Variants in USP12 observed in about 807,000 individuals in gnomAD.
USP12 encodes the protein ubiquitin carboxyl-terminal hydrolase 12.
USP12 carries 19 observed loss-of-function variants against 45.5 expected under a neutral mutation model. That is an observed-to-expected ratio of 0.42 (90% CI 0.29 to 0.61). The LOEUF (loss-of-function observed/expected upper bound fraction) is 0.61, where lower values mean the gene tolerates loss of function less well. Ranked by LOEUF, USP12 falls within the 20% of genes least tolerant of loss-of-function variation. USP12 has a pLI of 0.22. For synonymous variants in USP12, 149 were observed against 148.8 expected (o/e 1.00, Z -0.01); for missense variants, 242 against 447.7 (o/e 0.54, Z 4.15).
intron 1 of USP12, among the ~76,000 whole-genome samples, chr13:27,158,944 G>C (rs771378033): frequency 9.2e-5 from 14 of 152,100 alleles, no homozygotes; most frequent in Non-Finnish European, 1.9e-4. Flanking sequence ...TGGGGGGAGT[G>C]GGGGTGACAC....
chr13:27,149,574 C>T (rs1383366180), intron 1 of USP12, among the ~76,000 whole-genome samples: 4 of 152,078 alleles, frequency 2.6e-5, no homozygotes, highest in Admixed American at 2.6e-4. Flanking sequence ...GTATTGATCT[C>T]ATAAAACTAT....
chr13:27,112,010 T>C (rs1435989486), intron 2 of USP12, among the ~76,000 whole-genome samples: 1 of 152,178 alleles, frequency 6.6e-6, no homozygotes, highest in Non-Finnish European at 1.5e-5. Flanking sequence ...TTTGTAGTCT[T>C]ATCTACCAAA....
At chr13:27,150,177 C>A (rs1877505275) in intron 1 of USP12, among the ~76,000 whole-genome samples, 1 of 152,116 alleles carries the variant, frequency 6.6e-6, no homozygotes, top group African/African-American at 2.4e-5. Context: ...ACATTGTATA[C>A]CTGTATCAAA....
intron 1 of USP12, among the ~76,000 whole-genome samples, chr13:27,159,692 A>G (rs1275076898): frequency 6.6e-6 from 1 of 152,226 alleles, no homozygotes; most frequent in Non-Finnish European, 1.5e-5. Flanking sequence ...AATCTGTGAA[A>G]TGCCTAGCAA....
chr13:27,092,925 G>A (rs1268328874), intron 4 of USP12, among the ~76,000 whole-genome samples: 3 of 152,104 alleles, frequency 2.0e-5, no homozygotes, highest in Admixed American at 2.0e-4. Context: ...AGCCAGGCCC[G>A]GTGGCTCACG....
At chr13:27,076,420 G>A (rs1873489898) in intron 6 of USP12, among the ~76,000 whole-genome samples, 1 of 152,088 alleles carries the variant, frequency 6.6e-6, no homozygotes, top group Non-Finnish European at 1.5e-5. Context: ...TTCTTTTAAT[G>A]GCTCAGCTCA....
rs1255989948 is a variant in USP12 at position 27,156,247 on chromosome 13, G to T, written c.48+15345C>A. 3.3e-5 allele frequency among the ~76,000 whole-genome samples: 5 copies of T among 151,766 alleles called. 1 individual carries two copies. Among genetic ancestry groups the T allele is most frequent in the Admixed American group, 2.0e-4 (3 of 15,232 alleles). Reference sequence around the variant, plus strand: ...AAAAAAAAAAAAAATCAAGGAATCTGGTTCAGGCCTCTTAATCTACCAGAT... The same window carrying T: ...AAAAAAAAAAAAAATCAAGGAATCTTGTTCAGGCCTCTTAATCTACCAGAT... On this transcript the variant is annotated intron_variant, in intron 1 of 8. Coordinates refer to ENST00000282344, the MANE Select transcript of USP12 (RefSeq NM_182488.4).
chr13:27,115,570 T>C (rs1159898348), intron 2 of USP12, among the ~76,000 whole-genome samples: 1 of 152,202 alleles, frequency 6.6e-6, no homozygotes, highest in Non-Finnish European at 1.5e-5. Flanking sequence ...TGGATTCACC[T>C]AATAGTACAG....
At chr13:27,119,880 C>T (rs545768812) in intron 1 of USP12, among the ~76,000 whole-genome samples, 1 of 152,328 alleles carries the variant, frequency 6.6e-6, no homozygotes, top group East Asian at 1.9e-4. Flanking sequence ...GGTAATGACA[C>T]TGCGCAGCAG....
At chr13:27,148,771 A>G (rs921261747) in intron 1 of USP12, among the ~76,000 whole-genome samples, 1 of 89,888 alleles carries the variant, frequency 1.1e-5, no homozygotes, top group African/African-American at 4.6e-5. Context: ...GAATTAAAAA[A>G]CCAGAATCAC....
chr13:27,106,230 C>G (rs1337603829), intron 2 of USP12, among the ~76,000 whole-genome samples: 1 of 151,882 alleles, frequency 6.6e-6, no homozygotes, highest in African/African-American at 2.4e-5. Flanking sequence ...AAAAAGTCAC[C>G]AGTATGACAG....
At chr13:27,140,732 A>T (rs571905651) in intron 1 of USP12, among the ~76,000 whole-genome samples, 1 of 152,348 alleles carries the variant, frequency 6.6e-6, no homozygotes, top group Non-Finnish European at 1.5e-5. Context: ...TTTTAGATAT[A>T]ATAAATTCAA....
chr13:27,150,252 G>T (rs1368142314), intron 1 of USP12, among the ~76,000 whole-genome samples: 2 of 151,960 alleles, frequency 1.3e-5, no homozygotes, highest in Admixed American at 6.6e-5. Flanking sequence ...GCAAAAAATT[G>T]TATTTATATA....
chr13:27,092,359 C>T (rs949516497), intron 4 of USP12, among the ~76,000 whole-genome samples: 3 of 152,098 alleles, frequency 2.0e-5, no homozygotes, highest in African/African-American at 7.2e-5. Flanking sequence ...TGGATATCGA[C>T]GAACTTGATT....
chr13:27,120,084 G>A (rs1247950249), intron 1 of USP12, among the ~76,000 whole-genome samples: 1 of 152,158 alleles, frequency 6.6e-6, no homozygotes, highest in African/African-American at 2.4e-5. Flanking sequence ...TATAACTGGT[G>A]AAAAACCAAC....
intron 3 of USP12, among the ~76,000 whole-genome samples, chr13:27,097,840 C>T (rs1303275937): frequency 1.3e-5 from 2 of 152,140 alleles, no homozygotes; most frequent in Admixed American, 6.5e-5. Flanking sequence ...TTGGGACCAG[C>T]AGTGGTTGGG....
chr13:27,141,767 G>C (rs1175167248), intron 1 of USP12, among the ~76,000 whole-genome samples: 1 of 152,170 alleles, frequency 6.6e-6, no homozygotes, highest in African/African-American at 2.4e-5. Flanking sequence ...AGTAGAGGTT[G>C]AGCATCCCTA....
In USP12 at chr13:27,167,244, A is replaced by C. The variant is rs143022152; in HGVS notation, c.48+4348T>G. Among the ~76,000 whole-genome samples, 1,046 of 152,110 alleles carry C rather than the reference A, an allele frequency of 6.9e-3. 12 individuals are homozygous for C. Among genetic ancestry groups the C allele is most frequent in the African/African-American group, 0.024 (1,002 of 41,492 alleles). On this transcript the variant is annotated intron_variant, in intron 1 of 8. Coordinates refer to ENST00000282344, the MANE Select transcript of USP12 (RefSeq NM_182488.4). ...AGCATTGCACTCCAGCCTGGGCAACAAGAGTGAAACTCCGTCTCAAAAAAA... is the reference window on the plus strand; with the variant it reads ...AGCATTGCACTCCAGCCTGGGCAACCAGAGTGAAACTCCGTCTCAAAAAAA...
intron 1 of USP12, among the ~76,000 whole-genome samples, chr13:27,139,584 C>T (rs557803402): frequency 6.6e-6 from 1 of 152,230 alleles, no homozygotes; most frequent in East Asian, 1.9e-4. Context: ...CCACTGCACT[C>T]CAGCCTGGGA....
Sources: gnomAD v4.1 joint callset for allele counts (sites outside exome capture counted in the v4.1 genomes callset) on GRCh38, gnomAD v4.1.1 for gene constraint, MANE v1.5 for transcripts, NCBI Gene and HGNC (gene_info 2026-07-23, HGNC 2026-07-21) for gene names.